Variants in ADAMTS17 observed in about 807,000 individuals in gnomAD.
ADAMTS17 encodes the protein A disintegrin and metalloproteinase with thrombospondin motifs 17.
A neutral mutation model predicts 141.5 loss-of-function variants in ADAMTS17; 113 were observed. That is an observed-to-expected ratio of 0.80 (90% CI 0.69 to 0.93). The LOEUF is 0.93. Among genes scored for constraint, ADAMTS17 ranks in the 40% least tolerant of loss-of-function variants. The pLI is 0.00. For synonymous variants in ADAMTS17, 768 were observed against 630.6 expected (o/e 1.22, Z -3.27); for missense variants, 1,659 against 1,517.9 (o/e 1.09, Z -1.54).
At chr15:100,305,687 C>T (rs965514800) in intron 3 of ADAMTS17, among the ~76,000 whole-genome samples, 2 of 152,124 alleles carry the variant, frequency 1.3e-5, no homozygotes, top group African/African-American at 2.4e-5. Context: ...GTTATCTTAT[C>T]GTGAGGGTGG....
chr15:100,275,832 G>A (rs1305512103), intron 4 of ADAMTS17, among the ~76,000 whole-genome samples: 3 of 150,910 alleles, frequency 2.0e-5, no homozygotes, highest in East Asian at 2.0e-4. Flanking sequence ...TATGAAACCC[G>A]GAGCAAACGC....
At position 99,977,245 on chromosome 15, in the gene ADAMTS17, C is replaced by T. The variant is rs898315774; in HGVS notation, c.2950-1023G>A. On this transcript the variant is annotated intron_variant, in intron 20 of 21. Coordinates refer to ENST00000268070, the MANE Select transcript of ADAMTS17 (RefSeq NM_139057.4). ...CTCCAGCCCCAGCATGAGGAGGTGC[C>T]GTGTTTGCTAAAACCTGGTCAACAT... Among the ~76,000 whole-genome samples, 19 of 149,888 alleles carry T rather than the reference C, an allele frequency of 1.3e-4. No individual in the cohort carries two copies. In the East Asian group the frequency reaches 1.8e-3, roughly 14 times the overall value.
chr15:99,981,260 T>C (rs564678038), intron 20 of ADAMTS17, among the ~76,000 whole-genome samples: 2 of 152,302 alleles, frequency 1.3e-5, no homozygotes, highest in East Asian at 3.9e-4. Flanking sequence ...AGTCTATAAA[T>C]AGAACTGCTC....
In ADAMTS17 at chr15:100,337,280, G is replaced by A. The variant is rs193120666; in HGVS notation, c.450+3759C>T. On this transcript the variant is annotated intron_variant, in intron 2 of 21. Transcript: ENST00000268070. ...GGAATAGCTGTACGGAACTATGAAT[G>A]TCCCATGTGCCACAAATGACGTGCT... 5.9e-5 allele frequency among the ~76,000 whole-genome samples: 9 copies of A among 152,362 alleles called. No individual in the cohort carries two copies. The East Asian group carries it at 1.7e-3, about 29-fold the overall frequency.
At chr15:100,083,994 T>C (rs1383577611) in intron 15 of ADAMTS17, among the ~76,000 whole-genome samples, 1 of 151,754 alleles carries the variant, frequency 6.6e-6, no homozygotes, top group Non-Finnish European at 1.5e-5. Context: ...GGACAGTGGG[T>C]GCAGGACAGT....
At chr15:100,312,446 C>A (rs557125327) in intron 3 of ADAMTS17, among the ~76,000 whole-genome samples, 29 of 152,260 alleles carry the variant, frequency 1.9e-4, no homozygotes, top group Non-Finnish European at 3.4e-4. Flanking sequence ...TTGATTTTAC[C>A]CCAGTGAAAC....
At chr15:100,220,773 G>C (rs967627801) in intron 7 of ADAMTS17, among the ~76,000 whole-genome samples, 1 of 152,146 alleles carries the variant, frequency 6.6e-6, no homozygotes, top group Non-Finnish European at 1.5e-5. Context: ...ACGATATGCG[G>C]CCTTTTGTGA....
At chr15:100,149,176 G>T (rs541038136) in intron 10 of ADAMTS17, among the ~76,000 whole-genome samples, 3 of 152,352 alleles carry the variant, frequency 2.0e-5, no homozygotes, top group African/African-American at 7.2e-5. Flanking sequence ...ATACAGCAGG[G>T]CCTGGAGCCC....
At chr15:100,186,484 C>T (rs543081196) in intron 8 of ADAMTS17, among the ~76,000 whole-genome samples, 70 of 152,202 alleles carry the variant, frequency 4.6e-4, no homozygotes, top group Non-Finnish European at 8.7e-4. Context: ...TGCCGCATAC[C>T]CTTTTCCCTC....
chr15:100,282,785 T>C (rs555138257), intron 3 of ADAMTS17, among the ~76,000 whole-genome samples: 2 of 151,958 alleles, frequency 1.3e-5, no homozygotes, highest in Non-Finnish European at 1.5e-5. Flanking sequence ...CAACTATAGA[T>C]AAAGCCAACA....
intron 21 of ADAMTS17, among the ~76,000 whole-genome samples, chr15:99,975,839 ACAG>A (rs1019947861): frequency 7.3e-5 from 11 of 151,636 alleles, no homozygotes; most frequent in East Asian, 5.8e-4. Flanking sequence ...TGTGTTGGAG[ACAG>A]CAGTAAGCAA....
chr15:100,230,501 G>A (rs1267939308), intron 7 of ADAMTS17, among the ~76,000 whole-genome samples: 2 of 152,200 alleles, frequency 1.3e-5, no homozygotes, highest in Non-Finnish European at 2.9e-5. Context: ...AGCAAGGGGT[G>A]GAGGAAACGG....
chr15:100,171,169 T>C (rs1000346460), intron 8 of ADAMTS17, among the ~76,000 whole-genome samples: 6 of 152,134 alleles, frequency 3.9e-5, no homozygotes, highest in African/African-American at 1.4e-4. Flanking sequence ...TGAGAGAGCC[T>C]GCTGCCTCCA....
Position 100,117,063 on chromosome 15 carries a change from C to T in ADAMTS17, c.1722-50G>A, listed in dbSNP as rs757824233. On this transcript the variant is annotated intron_variant, in intron 12 of 21. Coordinates refer to ENST00000268070, the MANE Select transcript of ADAMTS17 (RefSeq NM_139057.4). ...TTAACCAGGTGGTGCGACCAAAGGG[C>T]AGGAGAGCTGTTTCCGTCTCTCTTG... 27 of 1,551,232 alleles carry T rather than the reference C, an allele frequency of 1.7e-5. No individual in the cohort carries two copies. In the East Asian group the frequency reaches 6.5e-4, roughly 37 times the overall value.
intron 6 of ADAMTS17, 135 bp from the exon 7 acceptor site, chr15:100,254,314 A>G: frequency 1.2e-6 from 1 of 810,890 alleles, no homozygotes; most frequent in South Asian, 1.6e-5. Flanking sequence ...GCGAATGATA[A>G]CAAACAGCAG....
chr15:100,027,063 G>A (rs2061529107), intron 18 of ADAMTS17, among the ~76,000 whole-genome samples: 2 of 152,210 alleles, frequency 1.3e-5, no homozygotes, highest in African/African-American at 4.8e-5. Context: ...GGCATTATGG[G>A]CAGGGAGAAC....
intron 8 of ADAMTS17, among the ~76,000 whole-genome samples, chr15:100,185,398 C>T (rs752998929): frequency 7.2e-5 from 11 of 152,356 alleles, no homozygotes; most frequent in Non-Finnish European, 1.6e-4. Context: ...GTGTGCACTG[C>T]TCAGATCCTG....
intron 1 of ADAMTS17, 51 bp downstream of exon 1, chr15:100,341,770 G>A (rs532850522): frequency 2.0e-6 from 3 of 1,537,566 alleles, no homozygotes; most frequent in African/African-American, 1.4e-5. Context: ...AACGCAGAGG[G>A]AAGGTAGCCG....
chr15:100,152,323 A>G (rs1255681594), intron 10 of ADAMTS17, among the ~76,000 whole-genome samples: 2 of 152,170 alleles, frequency 1.3e-5, no homozygotes, highest in African/African-American at 4.8e-5. Flanking sequence ...ATTCCCCTGC[A>G]AAAGTGCCCG....
Sources: allele counts gnomAD v4.1 joint callset (sites outside exome capture counted in the v4.1 genomes callset), GRCh38; gene constraint gnomAD v4.1.1; transcripts MANE v1.5; gene names NCBI Gene and HGNC (gene_info 2026-07-23, HGNC 2026-07-21).